The following ROPN1L variants were observed in gnomAD, a reference collection of about 807,000 sequenced individuals.
ROPN1L encodes the protein rhophilin associated tail protein 1 like, also known as ropporin-1-like protein.
Under a neutral mutation model 22.7 loss-of-function variants are expected in ROPN1L, and 23 were observed. The ratio of observed to expected loss-of-function variants is 1.01; its 90% CI spans 0.73 to 1.43. ROPN1L has a LOEUF of 1.43. Among genes scored for constraint, ROPN1L ranks in the 40% most tolerant of loss-of-function variants. The pLI, the probability that ROPN1L is intolerant of heterozygous loss-of-function variation, is 0.00. For missense variants in ROPN1L, 271 were observed against 291.5 expected, an observed-to-expected ratio of 0.93 and a Z score of 0.51; for synonymous variants, 116 against 117.8, an observed-to-expected ratio of 0.98 and a Z score of 0.10.
intron 3 of ROPN1L, among the ~76,000 whole-genome samples, chr5:10,458,702 G>A (rs2915511): frequency 0.12 from 5,056 of 42,922 alleles, 751 homozygotes; most frequent in East Asian, 0.69. Flanking sequence ...CCATCCCCCC[G>A]TGTACATCAT....
intron 3 of ROPN1L, among the ~76,000 whole-genome samples, chr5:10,460,954 C>T (rs1228798535): frequency 6.6e-6 from 1 of 152,252 alleles, no homozygotes; most frequent in Non-Finnish European, 1.5e-5. Context: ...AAAATAAGAT[C>T]TGTGAATTAG....
At chr5:10,476,649 A>T (rs1735321557), downstream of ROPN1L, among the ~76,000 whole-genome samples, 1 of 152,182 alleles carries the variant, frequency 6.6e-6, no homozygotes, top group Non-Finnish European at 1.5e-5. Context: ...AGGCTTGAGA[A>T]TTTTTTTACA....
At chr5:10,464,083 CT>C (rs1185047526) in intron 4 of ROPN1L, among the ~76,000 whole-genome samples, 1 of 152,216 alleles carries the variant, frequency 6.6e-6, no homozygotes, top group Non-Finnish European at 1.5e-5. Flanking sequence ...CCTGCCCCAC[CT>C]GTCCCAGCCG....
chr5:10,477,259 A>G, the ROPN1L span, among the ~76,000 whole-genome samples: 1 of 152,254 alleles, frequency 6.6e-6, no homozygotes, highest in African/African-American at 2.4e-5. Context: ...CTTTTTCAAC[A>G]TGTTAAAGAG....
intron 3 of ROPN1L, among the ~76,000 whole-genome samples, chr5:10,455,818 T>TTTAAAAACCAGTGCTGGGTCAGAGGCTC (rs1741403131): frequency 6.7e-6 from 1 of 150,140 alleles, no homozygotes; most frequent in African/African-American, 2.4e-5. Flanking sequence ...GTCAGAGGCT[T>TTTAAAAACCAGTGCTGGGTCAGAGGCTC]TTAAAAACCA....
intron 3 of ROPN1L, among the ~76,000 whole-genome samples, chr5:10,459,716 T>C (rs1300783748): frequency 1.3e-5 from 2 of 152,220 alleles, no homozygotes; most frequent in African/African-American, 4.8e-5. Context: ...TGACCGTCCC[T>C]GACCACCCGA....
At chr5:10,478,388 T>C in the ROPN1L span, among the ~76,000 whole-genome samples, 1 of 152,200 alleles carries the variant, frequency 6.6e-6, no homozygotes, top group Non-Finnish European at 1.5e-5. Context: ...AGAGATTTAT[T>C]CTCTCACAGT....
the ROPN1L span, among the ~76,000 whole-genome samples, chr5:10,477,666 A>G: frequency 2.0e-5 from 3 of 152,222 alleles, no homozygotes; most frequent in Admixed American, 2.0e-4. Flanking sequence ...ACAGTGGCTC[A>G]TGTCTGTAAT....
intron 3 of ROPN1L, among the ~76,000 whole-genome samples, chr5:10,452,878 T>C (rs1490292572): frequency 1.3e-5 from 2 of 152,226 alleles, no homozygotes; most frequent in African/African-American, 4.8e-5. Context: ...GTAGAGTGTG[T>C]GACACTAGAT....
At chr5:10,470,923 A>C (rs1735235989) in intron 4 of ROPN1L, among the ~76,000 whole-genome samples, 1 of 152,304 alleles carries the variant, frequency 6.6e-6, no homozygotes, top group Middle Eastern at 3.4e-3. Context: ...TTCTCATCCC[A>C]GTGGCAGGGA....
the ROPN1L span, chr5:10,481,924 A>G: frequency 6.6e-6 from 1 of 152,314 alleles, no homozygotes; most frequent in Admixed American, 6.5e-5. Context: ...ATCTGAAAAG[A>G]CAATCTGGAA....
chr5:10,468,556 G>A (rs1735194551), downstream of ROPN1L, among the ~76,000 whole-genome samples: 1 of 152,196 alleles, frequency 6.6e-6, no homozygotes, highest in Non-Finnish European at 1.5e-5. Context: ...CTTGTCTTTA[G>A]GGGGTAACTC....
Position 10,442,293 on chromosome 5 carries a change from C to T in ROPN1L, c.126C>T (p.Ser42=), listed in dbSNP as rs776450349. The T allele has an allele frequency of 2.5e-5, 40 of 1,613,006 alleles. No homozygotes were observed. Among genetic ancestry groups the T allele is most frequent in the Non-Finnish European group, 3.3e-5 (39 of 1,179,802 alleles). Residue 42 remains serine (S), a synonymous_variant, in exon 1 of 5, where the codon TCC becomes TCT. Transcript: ENST00000274134. Reference sequence around the variant, plus strand: ...AGCCGGCCGACGTGCTGCGGTGGTCCGCGGGGTAAGCGCCCTTGGCCCGGG... The same window carrying T: ...AGCCGGCCGACGTGCTGCGGTGGTCTGCGGGGTAAGCGCCCTTGGCCCGGG... ...RTQPADVLRW[S]AGYFSALSRG... is the part of the protein sequence containing the mutation.
At position 10,452,287 on chromosome 5, in the gene ROPN1L, ATGTG is replaced by A. The variant is rs762971211; in HGVS notation, c.417+2198_417+2201del. On this transcript the variant is annotated intron_variant, in intron 3 of 4. Transcript: ENST00000274134. ...AGCCACTGCACCCAGCCTAAAGTATATGTGTGTGTGTGTGTGTGTGTGTGTGTCT... is the reference window on the plus strand; with the variant it reads ...AGCCACTGCACCCAGCCTAAAGTATATGTGTGTGTGTGTGTGTGTGTGTCT... Among the ~76,000 whole-genome samples, 1,397 of 142,384 alleles carry A rather than the reference ATGTG, an allele frequency of 9.8e-3. 20 individuals carry two copies. Among genetic ancestry groups the A allele is most frequent in the African/African-American group, 0.027 (994 of 37,088 alleles). 93.4% of individuals were successfully genotyped at this position (142,384 alleles called of 152,430 possible). A position where few individuals can be genotyped will look rare whatever the true frequency, so the allele number is the denominator to read the frequency against.
intron 3 of ROPN1L, among the ~76,000 whole-genome samples, chr5:10,451,837 G>A (rs1741259574): frequency 1.3e-5 from 2 of 152,166 alleles, no homozygotes; most frequent in Non-Finnish European, 2.9e-5. Context: ...CCAGGGGAGT[G>A]TCTCAGGGGT....
chr5:10,461,257 C>T lies in ROPN1L; in HGVS notation c.491C>T (p.Pro164Leu). Residue 164 changes from proline to leucine, a missense_variant, in exon 4 of 5, where the codon CCC becomes CTC. Transcript: ENST00000274134. ...DDPEGGPARI[P>L]FKTFSYVYRY... The stretch of plus-strand genomic sequence containing the variant: ...CCGGAGGGCGGGCCCGCTCGCATCC[C>T]CTTCAAGACGTTTTCCTACGTTTAC... The T allele has an allele frequency of 6.2e-7, 1 of 1,614,170 alleles. No individual in the cohort carries two copies. The highest frequency in any genetic ancestry group is 1.3e-5 in the African/African-American group (1 of 75,044).
At chr5:10,443,609 A>G (rs1286167947) in intron 1 of ROPN1L, among the ~76,000 whole-genome samples, 1 of 151,216 alleles carries the variant, frequency 6.6e-6, no homozygotes, top group Non-Finnish European at 1.5e-5. Context: ...GGCCCGGGCG[A>G]CAGAGCGAGA....
At chr5:10,460,711 G>T (rs1189252498) in intron 3 of ROPN1L, among the ~76,000 whole-genome samples, 2 of 152,234 alleles carry the variant, frequency 1.3e-5, no homozygotes, top group Non-Finnish European at 2.9e-5. Flanking sequence ...TCGGTGGGCA[G>T]GCATTGGCAG....
chr5:10,476,098 G>A (rs566598430), downstream of ROPN1L, among the ~76,000 whole-genome samples: 10 of 152,236 alleles, frequency 6.6e-5, no homozygotes, highest in Admixed American at 1.3e-4. Context: ...GCCGGCAGGC[G>A]GTGCGCTTAG....
Sources: gnomAD v4.1 joint callset for allele counts (sites outside exome capture counted in the v4.1 genomes callset) on GRCh38, gnomAD v4.1.1 for gene constraint, MANE v1.5 for transcripts, NCBI Gene and HGNC (gene_info 2026-07-23, HGNC 2026-07-21) for gene names.